OR3A2: variants seen among roughly 807,000 people sequenced by gnomAD.
The protein encoded by OR3A2 is olfactory receptor family 3 subfamily A member 2.
For synonymous variants in OR3A2, 126 were observed against 159.3 expected, an observed-to-expected ratio of 0.79 and a Z score of 1.57; for missense variants, 318 against 392.8, an observed-to-expected ratio of 0.81 and a Z score of 1.61.
At chr17:3,292,456 T>C (rs2048884317) in intron 3 of OR3A2, 1 of 1,609,544 alleles carries the variant, frequency 6.2e-7, no homozygotes, top group Non-Finnish European at 8.5e-7. Flanking sequence ...AGGTTGCCCC[T>C]GACCGTGACC....
At chr17:3,326,934 T>G (rs1207007425) in intron 3 of OR3A2, among the ~76,000 whole-genome samples, 1 of 109,944 alleles carries the variant, frequency 9.1e-6, no homozygotes, top group African/African-American at 4.1e-5. Context: ...GTGCCACATT[T>G]TCTTAATCCA....
At chr17:3,291,621 C>A in intron 3 of OR3A2, 1 of 1,566,602 alleles carries the variant, frequency 6.4e-7, no homozygotes, top group South Asian at 1.2e-5. Context: ...GAGAAAGGGT[C>A]AATTGAGACC....
chr17:3,362,272 G>T (rs8067706), intron 2 of OR3A2, among the ~76,000 whole-genome samples: 21,942 of 151,244 alleles, frequency 0.15, 2,391 homozygotes, highest in African/African-American at 0.26. Flanking sequence ...ATCCCCTTTA[G>T]CATTTTTTAT....
At position 3,347,020 on chromosome 17, in the gene OR3A2, G is replaced by C. The variant is rs142435974; in HGVS notation, c.-178-10894C>G. ...AACATGGGAGAGCAGATCTCTCTTT[G>C]ATATATTGATTTTCTTTCATTTTGA... On this transcript the variant is annotated intron_variant, in intron 2 of 4. Transcript: ENST00000573491. Among the ~76,000 whole-genome samples, 1,344 of 152,236 alleles carry C rather than the reference G, an allele frequency of 8.8e-3. 20 individuals carry two copies. Among genetic ancestry groups the C allele is most frequent in the African/African-American group, 0.031 (1,279 of 41,530 alleles).
intron 2 of OR3A2, among the ~76,000 whole-genome samples, chr17:3,364,908 C>T (rs2049550009): frequency 8.7e-6 from 1 of 114,350 alleles, no homozygotes; most frequent in Non-Finnish European, 1.8e-5. Flanking sequence ...AACATATAAG[C>T]ACTAAGGTAA....
chr17:3,282,763 T>C (rs2048785344), intron 1 of OR3A2, among the ~76,000 whole-genome samples: 1 of 152,218 alleles, frequency 6.6e-6, no homozygotes, highest in African/African-American at 2.4e-5. Flanking sequence ...TTTACATATG[T>C]TATATTAAAG....
At chr17:3,369,054 T>C (rs558253491) in intron 2 of OR3A2, among the ~76,000 whole-genome samples, 20 of 152,350 alleles carry the variant, frequency 1.3e-4, no homozygotes, top group Admixed American at 9.8e-4. Context: ...TGCTGGTGTA[T>C]AGCAGTGCTA....
chr17:3,370,916 CAT>C (rs961332198), intron 2 of OR3A2, among the ~76,000 whole-genome samples: 1 of 152,172 alleles, frequency 6.6e-6, no homozygotes, highest in Admixed American at 6.5e-5. Context: ...GGACACAGCA[CAT>C]GTTTCAGAGA....
At chr17:3,321,889 C>G (rs553384933) in intron 3 of OR3A2, among the ~76,000 whole-genome samples, 1 of 152,226 alleles carries the variant, frequency 6.6e-6, no homozygotes, top group East Asian at 1.9e-4. Context: ...ATGATGCTGG[C>G]CTCATCAAAT....
chr17:3,328,146 G>A (rs1265476838), intron 3 of OR3A2, among the ~76,000 whole-genome samples: 3 of 142,932 alleles, frequency 2.1e-5, no homozygotes, highest in Admixed American at 7.1e-5. Flanking sequence ...ATTACCTTGC[G>A]CAGTATGGCC....
At chr17:3,353,140 T>C (rs757477497) in intron 2 of OR3A2, among the ~76,000 whole-genome samples, 1 of 151,152 alleles carries the variant, frequency 6.6e-6, no homozygotes, top group Non-Finnish European at 1.5e-5. Context: ...TTGAAGGGTA[T>C]ATCTAGGTTA....
intron 2 of OR3A2, among the ~76,000 whole-genome samples, chr17:3,349,485 T>TCC (rs2049400393): frequency 6.6e-6 from 1 of 152,164 alleles, no homozygotes; most frequent in African/African-American, 2.4e-5. Context: ...GAGCTAACTA[T>TCC]CCTAAATATA....
intron 2 of OR3A2, among the ~76,000 whole-genome samples, chr17:3,340,230 C>G (rs1191634112): frequency 6.6e-6 from 1 of 152,044 alleles, no homozygotes; most frequent in Admixed American, 6.6e-5. Context: ...CCTGGATTCA[C>G]TGATTTTTTT....
At chr17:3,368,425 G>A (rs1377771654) in intron 2 of OR3A2, among the ~76,000 whole-genome samples, 1 of 152,120 alleles carries the variant, frequency 6.6e-6, no homozygotes, top group Admixed American at 6.5e-5. Flanking sequence ...AGTGAGAGAT[G>A]AGGATCCAGT....
chr17:3,368,085 GT>G (rs2049580279), intron 2 of OR3A2, among the ~76,000 whole-genome samples: 1 of 151,880 alleles, frequency 6.6e-6, no homozygotes, highest in Admixed American at 6.6e-5. Context: ...TGATGGAATT[GT>G]TTTTTTCTTG....
chr17:3,315,501 T>TG (rs1405496653), intron 3 of OR3A2, among the ~76,000 whole-genome samples: 1 of 152,182 alleles, frequency 6.6e-6, no homozygotes, highest in African/African-American at 2.4e-5. Flanking sequence ...GAGAAGCGTC[T>TG]GTTCATGTTC....
intron 3 of OR3A2, among the ~76,000 whole-genome samples, chr17:3,330,243 C>T (rs1313521741): frequency 6.6e-6 from 1 of 151,560 alleles, no homozygotes; most frequent in African/African-American, 2.4e-5. Context: ...TGGTGCAGAG[C>T]TGAGTTCAAT....
At chr17:3,341,024 CTTCT>C (rs1249555636) in intron 2 of OR3A2, among the ~76,000 whole-genome samples, 3 of 152,104 alleles carry the variant, frequency 2.0e-5, no homozygotes, top group South Asian at 2.1e-4. Context: ...ATGTAATGGC[CTTCT>C]TTGTCTCTTT....
chr17:3,378,662 C>T (rs1212468488), intron 2 of OR3A2, among the ~76,000 whole-genome samples: 1 of 152,186 alleles, frequency 6.6e-6, no homozygotes, highest in African/African-American at 2.4e-5. Flanking sequence ...GGCATCCCCG[C>T]AGCAGCTGCT....
Sources: allele counts gnomAD v4.1 joint callset (sites outside exome capture counted in the v4.1 genomes callset), GRCh38; gene constraint gnomAD v4.1.1; transcripts MANE v1.5; gene names NCBI Gene and HGNC (gene_info 2026-07-23, HGNC 2026-07-21).